CPN1: variants seen among roughly 807,000 people sequenced by gnomAD.
CPN1 encodes carboxypeptidase N catalytic chain.
A neutral mutation model predicts 46.4 loss-of-function variants in CPN1; 37 were observed. The observed-to-expected ratio is 0.80, with a 90% CI of 0.61 to 1.05. The LOEUF (loss-of-function observed/expected upper bound fraction) is 1.05, where lower values mean the gene tolerates loss of function less well. Ranked by LOEUF, CPN1 falls within the 50% of genes least tolerant of loss-of-function variation. CPN1 has a pLI of 0.00. For synonymous variants in CPN1, 224 were observed against 235.4 expected (o/e 0.95, Z 0.44); for missense variants, 563 against 602.6 (o/e 0.93, Z 0.69).
At chr10:100,044,690 C>A (rs1251717553) in intron 8 of CPN1, among the ~76,000 whole-genome samples, 2 of 150,626 alleles carry the variant, frequency 1.3e-5, no homozygotes, top group African/African-American at 2.4e-5. Flanking sequence ...CATTTTAAAG[C>A]TGGAAACTCT....
At chr10:100,071,951 T>C (rs985279263) in intron 2 of CPN1, among the ~76,000 whole-genome samples, 1 of 152,154 alleles carries the variant, frequency 6.6e-6, no homozygotes, top group Non-Finnish European at 1.5e-5. Context: ...AATAAGATCA[T>C]AGTCACAGAT....
chr10:100,047,050 G>A (rs2041317686), intron 8 of CPN1, among the ~76,000 whole-genome samples: 1 of 151,906 alleles, frequency 6.6e-6, no homozygotes, highest in Non-Finnish European at 1.5e-5. Context: ...CTCCAGCCTG[G>A]GTGGCAGAGC....
At chr10:100,079,281 T>C (rs535877568) in intron 1 of CPN1, among the ~76,000 whole-genome samples, 1 of 152,292 alleles carries the variant, frequency 6.6e-6, no homozygotes, top group Non-Finnish European at 1.5e-5. Context: ...CTTTGTTTTA[T>C]TCTCTGCTGT....
chr10:100,070,511 TTACAGGCAAGAGCTAC>T (rs1210105075), intron 2 of CPN1, among the ~76,000 whole-genome samples: 1 of 152,024 alleles, frequency 6.6e-6, no homozygotes, highest in Non-Finnish European at 1.5e-5. Context: ...AGTGCTGAGA[TTACAGGCAAGAGCTAC>T]TACATGCAGC....
chr10:100,043,105 A>AG (rs1230747424), intron 8 of CPN1, among the ~76,000 whole-genome samples: 13 of 150,160 alleles, frequency 8.7e-5, no homozygotes, highest in African/African-American at 2.7e-4. Flanking sequence ...AAAAAAAAAA[A>AG]AAAAGAAAAA....
intron 5 of CPN1, among the ~76,000 whole-genome samples, chr10:100,057,998 C>T (rs1027897799): frequency 5.9e-5 from 9 of 152,030 alleles, no homozygotes; most frequent in Non-Finnish European, 1.2e-4. Flanking sequence ...TCCAGCACCC[C>T]CTTCATTACC....
chr10:100,065,141 C>T, intron 4 of CPN1, 47 bp downstream of exon 4: 2 of 1,595,912 alleles, frequency 1.3e-6, no homozygotes, highest in Non-Finnish European at 1.7e-6. Flanking sequence ...AAGCTCACCT[C>T]CTGAGCCCCA....
At chr10:100,063,169 G>C (rs1010629412) in intron 5 of CPN1, among the ~76,000 whole-genome samples, 13 of 152,228 alleles carry the variant, frequency 8.5e-5, no homozygotes, top group African/African-American at 2.9e-4. Context: ...CACCCAGGCT[G>C]GAGTGCAGTG....
chr10:100,054,243 A>T, intron 7 of CPN1, 104 bp downstream of exon 7: 1 of 871,102 alleles, frequency 1.1e-6, no homozygotes, highest in South Asian at 1.4e-5. Flanking sequence ...AGCATCCTTG[A>T]CACCCCTGCT....
rs551408113 is a variant in CPN1, at chr10:100,073,634, A to G, written c.420+2277T>C. On this transcript the variant is annotated intron_variant, in intron 2 of 8. Transcript: ENST00000370418. Reference sequence around the variant, plus strand: ...TCTTTTTTTTTTTTTTTTTTTTTTGAGACAGAGTTTTGCTCTTGTTGCCCA... The same window carrying G: ...TCTTTTTTTTTTTTTTTTTTTTTTGGGACAGAGTTTTGCTCTTGTTGCCCA... Among the ~76,000 whole-genome samples the G allele has an allele frequency of 9.9e-3, 897 of 90,296 alleles. 7 individuals carry two copies. Among genetic ancestry groups the G allele is most frequent in the South Asian group, 0.024 (71 of 2,934 alleles). 59.2% of individuals were successfully genotyped at this position (90,296 alleles called of 152,430 possible).
At position 100,062,760 on chromosome 10, in the gene CPN1, AT is replaced by A. The variant is rs1349658300; in HGVS notation, c.871+853del. ...AGGTGTGCACCACCATGCCCACCTA[AT>A]TTTTCTTTTTTTTTTTTTTGGTAGG... On this transcript the variant is annotated intron_variant, in intron 5 of 8. Coordinates refer to ENST00000370418, the MANE Select transcript of CPN1 (RefSeq NM_001308.3). Among the ~76,000 whole-genome samples, 52 of 134,580 alleles carry A rather than the reference AT, an allele frequency of 3.9e-4. 1 individual carries two copies. The highest frequency in any genetic ancestry group is 3.3e-3 in the Admixed American group (43 of 12,890). The allele number at this position is 134,580 out of a possible 152,430, so 88.3% of individuals were successfully genotyped here.
intron 1 of CPN1, among the ~76,000 whole-genome samples, chr10:100,080,888 G>A (rs567826781): frequency 8.6e-5 from 13 of 151,986 alleles, no homozygotes; most frequent in East Asian, 1.9e-4. Context: ...GCCAGACCCC[G>A]TCTCAAAAAA....
intron 2 of CPN1, among the ~76,000 whole-genome samples, chr10:100,074,759 C>T (rs958988595): frequency 6.6e-6 from 1 of 152,072 alleles, no homozygotes; most frequent in Non-Finnish European, 1.5e-5. Context: ...GGAACATCTC[C>T]ATTGCATAAG....
At chr10:100,054,629 T>A (rs2041374686) in intron 6 of CPN1, among the ~76,000 whole-genome samples, 183 bp from the exon 7 acceptor site, 1 of 152,068 alleles carries the variant, frequency 6.6e-6, no homozygotes, top group African/African-American at 2.4e-5. Context: ...GCAATTAGAG[T>A]GGTCAGAGCG....
At chr10:100,050,354 A>C (rs2041343267) in intron 7 of CPN1, among the ~76,000 whole-genome samples, 1 of 128,026 alleles carries the variant, frequency 7.8e-6, no homozygotes, top group Admixed American at 8.2e-5. Context: ...ATTCTGTCTC[A>C]AATAGAACAA....
rs1589476281 is a variant in CPN1 at position 100,065,525 on chromosome 10, A to G, written c.577-155T>C. 9 of 759,664 alleles carry G rather than the reference A, an allele frequency of 1.2e-5. No individual in the cohort carries two copies. In the East Asian group the frequency reaches 1.9e-4, roughly 16 times the overall value. 47.1% of individuals were successfully genotyped at this position (759,664 alleles called of 1,614,324 possible). On this transcript the variant is annotated intron_variant, in intron 3 of 8. Transcript: ENST00000370418. ...GGATATGAAAAGTGGAGATGGGGAA[A>G]TGTTGACCTTTGGAATGATGGTTTC... is the stretch of plus-strand genomic sequence containing the variant.
At chr10:100,081,300 T>C (rs557341741) in intron 1 of CPN1, 103 bp downstream of exon 1, 59 of 943,980 alleles carry the variant, frequency 6.3e-5, no homozygotes, top group East Asian at 1.8e-4. Flanking sequence ...TAATACCTTG[T>C]AGGCGGAGGC....
At position 100,054,377 on chromosome 10, in the gene CPN1, C is replaced by A; in HGVS notation, c.1081G>T (p.Val361Phe). 1 of 1,614,050 alleles carries A rather than the reference C, an allele frequency of 6.2e-7. No homozygotes were observed. Among genetic ancestry groups the A allele is most frequent in the African/African-American group, 1.3e-5 (1 of 75,034 alleles). Residue 361 changes from valine (V) to phenylalanine (F), a missense_variant, in exon 7 of 9, where the codon GTC becomes TTC. Val to Phe is a conservative substitution (Grantham distance 50). Transcript: ENST00000370418. The stretch of plus-strand genomic sequence containing the variant: ...GTGACATCATGGTTAATCCCACTGA[C>A]AGAAATGACAGCATTGGCGAGATTA... ...YNNLANAVIS[V>F]SGINHDVTSG... is the part of the protein sequence containing the mutation.
intron 4 of CPN1, 39 bp from the exon 5 acceptor site, chr10:100,063,764 C>G: frequency 6.6e-7 from 1 of 1,505,750 alleles, no homozygotes; most frequent in Non-Finnish European, 9.2e-7. Context: ...TTGATGATTC[C>G]CAACTCAAAT....
Sources: allele counts gnomAD v4.1 joint callset (sites outside exome capture counted in the v4.1 genomes callset), GRCh38; gene constraint gnomAD v4.1.1; transcripts MANE v1.5; gene names NCBI Gene and HGNC (gene_info 2026-07-23, HGNC 2026-07-21).